Variants in SSBP2 observed in about 807,000 individuals in gnomAD.
SSBP2 encodes single stranded DNA binding protein 2, also known as single-stranded DNA-binding protein 2.
SSBP2 carries 17 observed loss-of-function variants against 61.8 expected under a neutral mutation model. That is an observed-to-expected ratio of 0.28 (90% CI 0.19 to 0.41). The LOEUF (loss-of-function observed/expected upper bound fraction) is 0.41, where lower values mean the gene tolerates loss of function less well. Among genes scored for constraint, SSBP2 ranks in the 10% least tolerant of loss-of-function variants. The pLI, the probability that SSBP2 is intolerant of heterozygous loss-of-function variation, is 1.00. For synonymous variants in SSBP2, 139 were observed against 141.3 expected (o/e 0.98, Z 0.12); for missense variants, 310 against 458.7 (o/e 0.68, Z 2.96).
rs1725961020 is a variant in SSBP2, at chr5:81,417,294, T to G, written c.*3210A>C. On this transcript the variant is annotated 3_prime_UTR_variant, in exon 17 of 17. Transcript: ENST00000320672. ...AATATGTGTTGTATTACAAGATCAATGACACCCTACAGCCTTTGTTCCCAT... is the reference window on the plus strand; with the variant it reads ...AATATGTGTTGTATTACAAGATCAAGGACACCCTACAGCCTTTGTTCCCAT... 1.3e-5 allele frequency: 2 copies of G among 152,210 alleles called. No homozygotes were observed. The highest frequency in any genetic ancestry group is 2.9e-5 in the Non-Finnish European group (2 of 68,036). The allele number at this position is 152,210 out of a possible 1,614,324, so 9.4% of individuals were successfully genotyped here.
intron 4 of SSBP2, among the ~76,000 whole-genome samples, chr5:81,562,446 T>C (rs1168777461): frequency 1.3e-5 from 2 of 152,214 alleles, no homozygotes; most frequent in South Asian, 2.1e-4. Flanking sequence ...ATTAGGTTGG[T>C]CCTGATGCCA....
intron 5 of SSBP2, among the ~76,000 whole-genome samples, chr5:81,513,101 TACTC>T (rs1768741846): frequency 6.6e-6 from 1 of 152,102 alleles, no homozygotes; most frequent in Admixed American, 6.5e-5. Context: ...AATTTAAGAA[TACTC>T]ACATGTATTT....
intron 4 of SSBP2, among the ~76,000 whole-genome samples, chr5:81,523,155 A>T (rs1188305728): frequency 6.6e-6 from 1 of 152,048 alleles, no homozygotes; most frequent in Non-Finnish European, 1.5e-5. Context: ...GGGAAGTCTG[A>T]TAGGTAACAA....
intron 1 of SSBP2, among the ~76,000 whole-genome samples, chr5:81,677,508 C>G (rs1752073426): frequency 6.6e-6 from 1 of 152,038 alleles, no homozygotes; most frequent in Non-Finnish European, 1.5e-5. Flanking sequence ...TCAGCGTGGA[C>G]AAGTCCAAGA....
intron 1 of SSBP2, among the ~76,000 whole-genome samples, chr5:81,745,047 A>G (rs1411343649): frequency 6.6e-6 from 1 of 152,184 alleles, no homozygotes; most frequent in African/African-American, 2.4e-5. Flanking sequence ...ATTCTTAACT[A>G]TTAACTTACA....
At chr5:81,533,216 T>TA (rs1697915878) in intron 4 of SSBP2, among the ~76,000 whole-genome samples, 1 of 151,850 alleles carries the variant, frequency 6.6e-6, no homozygotes, top group Non-Finnish European at 1.5e-5. Context: ...AAACTAGTAC[T>TA]AAAAAACATA....
intron 6 of SSBP2, among the ~76,000 whole-genome samples, chr5:81,477,857 A>C (rs35333766): frequency 1.4e-3 from 215 of 152,358 alleles, no homozygotes; most frequent in Admixed American, 4.2e-3. Flanking sequence ...CAATTTTAGG[A>C]ATCATTAGTG....
intron 2 of SSBP2, 140 bp downstream of exon 2, chr5:81,650,127 T>A: frequency 1.9e-6 from 1 of 532,830 alleles, no homozygotes; most frequent in Non-Finnish European, 3.3e-6. Context: ...ACATAATCTA[T>A]AAAAACTATA....
chr5:81,568,759 A>T lies in SSBP2; in HGVS notation c.282+46714T>A, dbSNP rs548879030. On this transcript the variant is annotated intron_variant, in intron 4 of 16. Coordinates refer to ENST00000320672, the MANE Select transcript of SSBP2 (RefSeq NM_012446.5). ...AATGTTCCCTTTGTACATATATGAC[A>T]GAAGTTTTCTCTATAAGTAACAAGC... 1.8e-4 allele frequency among the ~76,000 whole-genome samples: 28 copies of T among 152,372 alleles called. No individual in the cohort carries two copies. The East Asian group carries it at 5.2e-3, about 28-fold the overall frequency.
At chr5:81,496,820 C>T (rs1767321947) in intron 5 of SSBP2, among the ~76,000 whole-genome samples, 1 of 152,140 alleles carries the variant, frequency 6.6e-6, no homozygotes, top group South Asian at 2.1e-4. Flanking sequence ...ATAGGAATAC[C>T]TTTAGAATAA....
intron 1 of SSBP2, among the ~76,000 whole-genome samples, chr5:81,726,270 C>T (rs1755884227): frequency 1.3e-5 from 2 of 152,086 alleles, no homozygotes; most frequent in African/African-American, 4.8e-5. Context: ...CCTCCGGGAC[C>T]ACATAGGAGA....
chr5:81,449,514 G>A (rs1240442525), intron 10 of SSBP2, among the ~76,000 whole-genome samples: 1 of 152,074 alleles, frequency 6.6e-6, no homozygotes, highest in Non-Finnish European at 1.5e-5. Flanking sequence ...AGATATTTTT[G>A]TCTTATTCTG....
At chr5:81,462,075 G>A (rs1764580702) in intron 9 of SSBP2, among the ~76,000 whole-genome samples, 1 of 152,078 alleles carries the variant, frequency 6.6e-6, no homozygotes, top group Non-Finnish European at 1.5e-5. Context: ...AATCAGGAGT[G>A]TCCAATCTTT....
At chr5:81,420,624 T>C (rs1761543891) in intron 16 of SSBP2, 91 bp from the exon 17 acceptor site, 7 of 1,058,388 alleles carry the variant, frequency 6.6e-6, no homozygotes. Flanking sequence ...TGAATTCTAA[T>C]TTCTTATCAT....
chr5:81,560,335 A>C (rs1343045470), intron 4 of SSBP2, among the ~76,000 whole-genome samples: 1 of 152,192 alleles, frequency 6.6e-6, no homozygotes, highest in Non-Finnish European at 1.5e-5. Context: ...CTCTCTATTT[A>C]GATAGGAACA....
At chr5:81,643,147 C>T (rs1182559803) in intron 2 of SSBP2, among the ~76,000 whole-genome samples, 1 of 152,176 alleles carries the variant, frequency 6.6e-6, no homozygotes, top group Non-Finnish European at 1.5e-5. Flanking sequence ...CTTCCTGCCT[C>T]TGGCTCCAAA....
rs202186455 is a variant in SSBP2, at chr5:81,445,644, T to A, written c.778+1224A>T. ...AAAATTTTGTATTAATTATCAAGTT[T>A]ATGATTTTTCTAAATTGAAAGGGCT... On this transcript the variant is annotated intron_variant, in intron 12 of 16. Transcript: ENST00000320672. 5.3e-5 allele frequency among the ~76,000 whole-genome samples: 8 copies of A among 152,148 alleles called. No homozygotes were observed. The East Asian group carries it at 9.6e-4, about 18-fold the overall frequency.
intron 10 of SSBP2, 24 bp downstream of exon 10, chr5:81,461,029 TAA>T (rs754539368): frequency 8.4e-4 from 1,050 of 1,255,072 alleles, no homozygotes; most frequent in Middle Eastern, 2.1e-3. Context: ...TGCAAAATAT[TAA>T]AAAAAATATA....
At chr5:81,520,951 A>C (rs938174058) in intron 4 of SSBP2, among the ~76,000 whole-genome samples, 2 of 151,920 alleles carry the variant, frequency 1.3e-5, no homozygotes, top group African/African-American at 4.8e-5. Context: ...CCTTGAATCT[A>C]TTTTGTCCAA....
Sources: allele counts gnomAD v4.1 joint callset (sites outside exome capture counted in the v4.1 genomes callset), GRCh38; gene constraint gnomAD v4.1.1; transcripts MANE v1.5; gene names NCBI Gene and HGNC (gene_info 2026-07-23, HGNC 2026-07-21).